COX16: variants seen among roughly 807,000 people sequenced by gnomAD.
The protein encoded by COX16 is cytochrome c oxidase assembly protein COX16 homolog, mitochondrial.
COX16 carries 12 observed loss-of-function variants against 15.4 expected under a neutral mutation model. The ratio of observed to expected loss-of-function variants is 0.78; its 90% CI spans 0.50 to 1.26. COX16 has a LOEUF of 1.26. Ranked by LOEUF, COX16 falls within the 50% of genes most tolerant of loss-of-function variation. The probability of loss-of-function intolerance (pLI) is 0.00; values close to 1 mark genes in which losing one functional copy is unlikely to be tolerated. For synonymous variants in COX16, 46 were observed against 41.1 expected, an observed-to-expected ratio of 1.12 and a Z score of -0.46; for missense variants, 124 against 127.6, an observed-to-expected ratio of 0.97 and a Z score of 0.14.
intron 2 of COX16, among the ~76,000 whole-genome samples, chr14:70,342,423 C>T (rs569671396): frequency 2.0e-4 from 31 of 152,056 alleles, no homozygotes; most frequent in African/African-American, 7.0e-4. Flanking sequence ...CCAGTCTGAG[C>T]GACAGAGTGA....
chr14:70,344,676 A>T (rs1284511184), intron 1 of COX16, among the ~76,000 whole-genome samples: 1 of 152,210 alleles, frequency 6.6e-6, no homozygotes, highest in Non-Finnish European at 1.5e-5. Context: ...TGGGACCTGA[A>T]AGCTTAAGGA....
At chr14:70,356,793 T>TA (rs1887138640) in intron 1 of COX16, among the ~76,000 whole-genome samples, 1 of 152,054 alleles carries the variant, frequency 6.6e-6, no homozygotes, top group African/African-American at 2.4e-5. Flanking sequence ...AATTGTCAAA[T>TA]AAACTTTTTT....
At chr14:70,337,611 C>A (rs952320929) in intron 2 of COX16, among the ~76,000 whole-genome samples, 1 of 151,604 alleles carries the variant, frequency 6.6e-6, no homozygotes, top group Non-Finnish European at 1.5e-5. Context: ...ACTGAAAAAA[C>A]AAGAGAAAAA....
intron 3 of COX16, 52 bp from the exon 4 acceptor site, chr14:70,326,501 C>T (rs1409301026): frequency 4.2e-6 from 6 of 1,418,588 alleles, no homozygotes; most frequent in Non-Finnish European, 2.8e-6. Flanking sequence ...GAGCCTGTGG[C>T]TTTGATTAGG....
intron 1 of COX16, among the ~76,000 whole-genome samples, chr14:70,352,526 A>G (rs1886986166): frequency 6.6e-6 from 1 of 151,826 alleles, no homozygotes. Context: ...TACATATGAT[A>G]TTTTTATAAC....
chr14:70,341,405 A>G (rs2140716784), intron 2 of COX16, among the ~76,000 whole-genome samples: 1 of 152,350 alleles, frequency 6.6e-6, no homozygotes, highest in Non-Finnish European at 1.5e-5. Context: ...TTCTATCAAT[A>G]TTACTGAGGT....
chr14:70,352,645 C>CTTTTTTTTTTTT (rs576495712), intron 1 of COX16, among the ~76,000 whole-genome samples: 1 of 84,482 alleles, frequency 1.2e-5, no homozygotes, highest in Non-Finnish European at 2.4e-5. Context: ...CTTTTTTTTT[C>CTTTTTTTTTTTT]TTTTTTTTTT....
chr14:70,342,571 A>G (rs947880867), intron 2 of COX16, 87 bp downstream of exon 2: 2 of 1,237,444 alleles, frequency 1.6e-6, no homozygotes, highest in Non-Finnish European at 2.2e-6. Flanking sequence ...ACAAACTCAG[A>G]CTACTTAGTA....
At chr14:70,336,921 C>T (rs1217741478) in intron 2 of COX16, among the ~76,000 whole-genome samples, 1 of 152,112 alleles carries the variant, frequency 6.6e-6, no homozygotes, top group Admixed American at 6.5e-5. Context: ...CCAAAAAATG[C>T]TATTACTGCA....
At chr14:70,358,370 A>AT (rs1887194526) in intron 1 of COX16, among the ~76,000 whole-genome samples, 9 of 87,994 alleles carry the variant, frequency 1.0e-4, no homozygotes, top group Non-Finnish European at 1.9e-4. Flanking sequence ...TAAAAACAAC[A>AT]ATTTTTTTTT....
At chr14:70,340,500 A>C (rs1465983515) in intron 2 of COX16, among the ~76,000 whole-genome samples, 3 of 152,226 alleles carry the variant, frequency 2.0e-5, no homozygotes, top group Non-Finnish European at 4.4e-5. Flanking sequence ...TGTATTACAT[A>C]CATTAGTCAT....
At chr14:70,355,041 CTAT>C (rs1311496712) in intron 1 of COX16, among the ~76,000 whole-genome samples, 1 of 152,104 alleles carries the variant, frequency 6.6e-6, no homozygotes, top group Non-Finnish European at 1.5e-5. Context: ...CATAAAAATG[CTAT>C]TATTTCTCCT....
chr14:70,356,527 TTAAAAAGGC>T (rs1429498368), intron 1 of COX16, among the ~76,000 whole-genome samples: 7 of 152,240 alleles, frequency 4.6e-5, no homozygotes, highest in Non-Finnish European at 1.0e-4. Context: ...AACTTGAATT[TTAAAAAGGC>T]TATGGAGAGA....
intron 2 of COX16, among the ~76,000 whole-genome samples, chr14:70,334,442 G>A (rs76595957): frequency 0.073 from 11,112 of 152,264 alleles, 462 homozygotes; most frequent in Middle Eastern, 0.11. Flanking sequence ...AGAATCGCTT[G>A]GAAGGCAGAG....
chr14:70,345,886 CT>C (rs1434216578), intron 1 of COX16, among the ~76,000 whole-genome samples: 2 of 152,034 alleles, frequency 1.3e-5, no homozygotes, highest in Non-Finnish European at 2.9e-5. Context: ...TCTCAACCAT[CT>C]TTTTTAACCC....
intron 2 of COX16, among the ~76,000 whole-genome samples, chr14:70,334,237 T>C (rs1469118655): frequency 1.3e-5 from 2 of 152,170 alleles, no homozygotes; most frequent in Admixed American, 6.5e-5. Context: ...AAAATGTAAA[T>C]TGTGGCCAGG....
Position 70,329,721 on chromosome 14 carries a change from CAAAAAA to C in COX16, c.142-491_142-486del, listed in dbSNP as rs199721497. On this transcript the variant is annotated intron_variant, in intron 2 of 3. Transcript: ENST00000389912. ...CCATGGGCCAGAAGTAGATATCTACCAAAAAAAAAAAAAAAAAATCCATAGAGGTAA... is the reference window on the plus strand; with the variant it reads ...CCATGGGCCAGAAGTAGATATCTACCAAAAAAAAAAAATCCATAGAGGTAA... Among the ~76,000 whole-genome samples the C allele has an allele frequency of 2.7e-3, 317 of 117,938 alleles. 1 individual carries two copies. The highest frequency in any genetic ancestry group is 1.0e-2 in the African/African-American group (306 of 30,614). 77.4% of individuals were successfully genotyped at this position (117,938 alleles called of 152,430 possible). A position where few individuals can be genotyped will look rare whatever the true frequency, so the allele number is the denominator to read the frequency against.
intron 2 of COX16, among the ~76,000 whole-genome samples, 175 bp downstream of exon 2, chr14:70,342,483 C>T (rs1056202267): frequency 1.3e-5 from 2 of 152,154 alleles, no homozygotes; most frequent in Non-Finnish European, 2.9e-5. Flanking sequence ...AGTTACATTT[C>T]ATGATTCACT....
intron 1 of COX16, among the ~76,000 whole-genome samples, chr14:70,357,517 T>C (rs1159506434): frequency 1.3e-5 from 2 of 152,220 alleles, no homozygotes; most frequent in Non-Finnish European, 2.9e-5. Context: ...GCAGATTTGT[T>C]GGTTTTGGGT....
Sources: allele counts gnomAD v4.1 joint callset (sites outside exome capture counted in the v4.1 genomes callset), GRCh38; gene constraint gnomAD v4.1.1; transcripts MANE v1.5; gene names NCBI Gene and HGNC (gene_info 2026-07-23, HGNC 2026-07-21).